Variants in MAGI2 observed in about 807,000 individuals in gnomAD.
MAGI2 encodes membrane associated guanylate kinase, WW and PDZ domain containing 2, also known as membrane-associated guanylate kinase, WW and PDZ domain-containing protein 2.
In MAGI2, 35 loss-of-function variants were observed where a neutral mutation model predicts 133.3. That is an observed-to-expected ratio of 0.26 (90% CI 0.20 to 0.35). The LOEUF is 0.35. MAGI2 is among the 10% of genes least tolerant of loss of function. The pLI is 1.00. For missense variants in MAGI2, 1,636 were observed against 1,863.4 expected, an observed-to-expected ratio of 0.88 and a Z score of 2.25; for synonymous variants, 729 against 710.6, an observed-to-expected ratio of 1.03 and a Z score of -0.41.
At chr7:78,823,240 G>A (rs1790281445) in intron 2 of MAGI2, among the ~76,000 whole-genome samples, 1 of 152,178 alleles carries the variant, frequency 6.6e-6, no homozygotes, top group African/African-American at 2.4e-5. Context: ...AGGATGATTT[G>A]ACTGAGATCA....
intron 6 of MAGI2, among the ~76,000 whole-genome samples, chr7:78,386,853 A>T (rs1191935849): frequency 6.6e-6 from 1 of 152,182 alleles, no homozygotes; most frequent in Non-Finnish European, 1.5e-5. Context: ...ATATGGAATC[A>T]CATAATTTTG....
intron 3 of MAGI2, among the ~76,000 whole-genome samples, chr7:78,540,320 G>T (rs1391948440): frequency 6.6e-6 from 1 of 152,178 alleles, no homozygotes; most frequent in Non-Finnish European, 1.5e-5. Context: ...GGCGGATTAT[G>T]GCTGCCTCTG....
At chr7:78,692,308 A>G (rs1028675934) in intron 2 of MAGI2, among the ~76,000 whole-genome samples, 1 of 152,216 alleles carries the variant, frequency 6.6e-6, no homozygotes, top group Non-Finnish European at 1.5e-5. Flanking sequence ...TGGTATTTAT[A>G]CTGCAGAAAG....
intron 18 of MAGI2, among the ~76,000 whole-genome samples, chr7:78,130,644 C>T (rs538756377): frequency 2.6e-5 from 4 of 152,230 alleles, no homozygotes; most frequent in East Asian, 3.9e-4. Context: ...CCAGGAAACC[C>T]GAGTGGCAGT....
chr7:79,127,856 A>T (rs918934856), intron 1 of MAGI2, among the ~76,000 whole-genome samples: 2 of 152,190 alleles, frequency 1.3e-5, no homozygotes, highest in African/African-American at 4.8e-5. Flanking sequence ...TTGGTGTTTT[A>T]GACACGAAGT....
intron 10 of MAGI2, among the ~76,000 whole-genome samples, chr7:78,242,759 A>G (rs958345966): frequency 2.6e-5 from 4 of 151,986 alleles, no homozygotes; most frequent in African/African-American, 9.7e-5. Flanking sequence ...TGTTGTGGTC[A>G]TGGTGGTTTT....
chr7:78,452,320 T>C (rs1183087244), intron 6 of MAGI2, among the ~76,000 whole-genome samples: 2 of 151,944 alleles, frequency 1.3e-5, no homozygotes, highest in African/African-American at 4.8e-5. Flanking sequence ...CTCTCCCTGA[T>C]TTTGGTGGTA....
At chr7:78,670,671 C>A (rs4640998) in intron 2 of MAGI2, among the ~76,000 whole-genome samples, 2,330 of 152,148 alleles carry the variant, frequency 0.015, 68 homozygotes, top group African/African-American at 0.053. Context: ...ACTTCAAACT[C>A]AACTACAAGG....
At chr7:78,653,343 T>C (rs2151019022) in intron 2 of MAGI2, among the ~76,000 whole-genome samples, 1 of 152,332 alleles carries the variant, frequency 6.6e-6, no homozygotes, top group East Asian at 1.9e-4. Context: ...CATGTATGTT[T>C]ATTGGAGCAC....
chr7:78,217,925 CTGTG>C (rs1788428496), intron 10 of MAGI2, among the ~76,000 whole-genome samples: 1 of 152,162 alleles, frequency 6.6e-6, no homozygotes, highest in Admixed American at 6.5e-5. Context: ...TCATAATCTC[CTGTG>C]TATTTACTTA....
chr7:78,062,059 C>T (rs893720507), intron 21 of MAGI2, among the ~76,000 whole-genome samples: 8 of 152,292 alleles, frequency 5.3e-5, no homozygotes, highest in South Asian at 4.2e-4. Context: ...AACAAGAGTG[C>T]GACATTTTTT....
intron 1 of MAGI2, among the ~76,000 whole-genome samples, chr7:79,387,827 G>A (rs894598693): frequency 1.3e-4 from 20 of 151,438 alleles, no homozygotes; most frequent in African/African-American, 4.6e-4. Flanking sequence ...GAACATGATG[G>A]AAATTTTAAT....
chr7:78,925,215 A>G (rs1427440710), intron 2 of MAGI2, among the ~76,000 whole-genome samples: 5 of 152,064 alleles, frequency 3.3e-5, no homozygotes, highest in African/African-American at 1.2e-4. Flanking sequence ...AGGATTCATC[A>G]CACTAATTTT....
intron 1 of MAGI2, among the ~76,000 whole-genome samples, chr7:79,247,225 T>C (rs1268855100): frequency 6.6e-6 from 1 of 152,172 alleles, no homozygotes; most frequent in Non-Finnish European, 1.5e-5. Flanking sequence ...TCACTGGTAA[T>C]AGTAAATACA....
chr7:78,949,192 C>T (rs1554614974), intron 2 of MAGI2, among the ~76,000 whole-genome samples: 2 of 152,250 alleles, frequency 1.3e-5, no homozygotes, highest in South Asian at 2.1e-4. Context: ...TTGCAACAAA[C>T]AGTGTTTTAA....
At position 79,123,249 on chromosome 7, in the gene MAGI2, T is replaced by C. The variant is rs558730181; in HGVS notation, c.302-116043A>G. Among the ~76,000 whole-genome samples, 7 of 152,314 alleles carry C rather than the reference T, an allele frequency of 4.6e-5. No homozygotes were observed. The East Asian group carries it at 7.7e-4, about 17-fold the overall frequency. On this transcript the variant is annotated intron_variant, in intron 1 of 21. Transcript: ENST00000354212. Reference sequence around the variant, plus strand: ...TTATAGACTATGATAAGTACAAATATGGGTTTTGAAACTTTACCTCAATAA... The same window carrying C: ...TTATAGACTATGATAAGTACAAATACGGGTTTTGAAACTTTACCTCAATAA...
chr7:78,221,033 T>G (rs1275839430), intron 10 of MAGI2, among the ~76,000 whole-genome samples: 2 of 152,214 alleles, frequency 1.3e-5, no homozygotes, highest in African/African-American at 4.8e-5. Flanking sequence ...CGTTTCTTCC[T>G]TGGCTCACTA....
At chr7:78,161,366 G>T (rs2150613658) in intron 15 of MAGI2, among the ~76,000 whole-genome samples, 1 of 152,262 alleles carries the variant, frequency 6.6e-6, no homozygotes, top group Non-Finnish European at 1.5e-5. Context: ...CTAGAATAAT[G>T]TAATTAGAAA....
chr7:79,422,361 T>G (rs1847025981), intron 1 of MAGI2, among the ~76,000 whole-genome samples: 1 of 152,032 alleles, frequency 6.6e-6, no homozygotes. Context: ...CATGAGATAT[T>G]ATTTGAATTA....
Sources: allele counts gnomAD v4.1 joint callset (sites outside exome capture counted in the v4.1 genomes callset), GRCh38; gene constraint gnomAD v4.1.1; transcripts MANE v1.5; gene names NCBI Gene and HGNC (gene_info 2026-07-23, HGNC 2026-07-21).